The following SSBP2 variants were observed in gnomAD, a reference collection of about 807,000 sequenced individuals.
SSBP2 encodes single stranded DNA binding protein 2.
A neutral mutation model predicts 61.8 loss-of-function variants in SSBP2; 17 were observed. The observed-to-expected ratio is 0.28, with a 90% CI of 0.19 to 0.41. SSBP2 has a LOEUF of 0.41. Ranked by LOEUF, SSBP2 falls within the 10% of genes least tolerant of loss-of-function variation. The pLI, the probability that SSBP2 is intolerant of heterozygous loss-of-function variation, is 1.00. For missense variants in SSBP2, 310 were observed against 458.7 expected, an observed-to-expected ratio of 0.68 and a Z score of 2.96; for synonymous variants, 139 against 141.3, an observed-to-expected ratio of 0.98 and a Z score of 0.12.
At chr5:81,557,376 T>C (rs1029478779) in intron 4 of SSBP2, among the ~76,000 whole-genome samples, 2 of 148,570 alleles carry the variant, frequency 1.3e-5, no homozygotes, top group Non-Finnish European at 3.1e-5. Context: ...TCTAAGTTTA[T>C]AGTTTGCCTT....
intron 1 of SSBP2, among the ~76,000 whole-genome samples, chr5:81,711,763 T>C (rs1189006913): frequency 1.3e-5 from 2 of 151,972 alleles, no homozygotes; most frequent in Non-Finnish European, 2.9e-5. Context: ...ATTAGCATAA[T>C]GGTTAACAGT....
chr5:81,515,714 T>G (rs947300427), intron 4 of SSBP2, among the ~76,000 whole-genome samples: 1 of 151,816 alleles, frequency 6.6e-6, no homozygotes, highest in African/African-American at 2.4e-5. Context: ...GGCTACATTG[T>G]TTAAAGGTAT....
At chr5:81,747,073 C>A (rs1425954530) in intron 1 of SSBP2, among the ~76,000 whole-genome samples, 1 of 148,930 alleles carries the variant, frequency 6.7e-6, no homozygotes, top group Non-Finnish European at 1.5e-5. Context: ...TGTTAGGCTT[C>A]CAACTTTCCT....
At chr5:81,718,075 A>G (rs1039828566) in intron 1 of SSBP2, among the ~76,000 whole-genome samples, 5 of 152,078 alleles carry the variant, frequency 3.3e-5, no homozygotes, top group Admixed American at 2.0e-4. Flanking sequence ...TATTTATAAG[A>G]TTTTTTCTTC....
chr5:81,679,979 TTC>T (rs1752267296), intron 1 of SSBP2, among the ~76,000 whole-genome samples: 1 of 151,752 alleles, frequency 6.6e-6, no homozygotes, highest in African/African-American at 2.4e-5. Flanking sequence ...AAAGCAAATT[TTC>T]TCTCTCTGCT....
intron 4 of SSBP2, among the ~76,000 whole-genome samples, chr5:81,570,111 T>A (rs1773727136): frequency 6.6e-6 from 1 of 152,186 alleles, no homozygotes; most frequent in Admixed American, 6.5e-5. Context: ...TAAGACAAGA[T>A]AAATTTCTTT....
intron 1 of SSBP2, among the ~76,000 whole-genome samples, chr5:81,737,799 A>AC (rs1756725576): frequency 6.6e-6 from 1 of 151,300 alleles, no homozygotes; most frequent in Admixed American, 6.6e-5. Context: ...AAAAAAAAAA[A>AC]AAAACAAAAA....
chr5:81,577,618 C>T (rs910271834), intron 4 of SSBP2, among the ~76,000 whole-genome samples: 9 of 151,838 alleles, frequency 5.9e-5, no homozygotes, highest in Admixed American at 3.9e-4. Flanking sequence ...ATAAGGAAAG[C>T]AGAAGCACAA....
At chr5:81,659,086 T>A (rs1181445056) in intron 1 of SSBP2, among the ~76,000 whole-genome samples, 1 of 152,208 alleles carries the variant, frequency 6.6e-6, no homozygotes. Flanking sequence ...GCTGGAAGCA[T>A]ACCCTTTGAA....
chr5:81,674,288 T>C (rs538857585), intron 1 of SSBP2, among the ~76,000 whole-genome samples: 3 of 152,290 alleles, frequency 2.0e-5, no homozygotes, highest in African/African-American at 7.2e-5. Flanking sequence ...CTAAGGCAAC[T>C]GCTAGCACAA....
At chr5:81,696,817 A>G (rs991846144) in intron 1 of SSBP2, among the ~76,000 whole-genome samples, 3 of 152,206 alleles carry the variant, frequency 2.0e-5, no homozygotes, top group African/African-American at 7.2e-5. Context: ...GTATGAGGAG[A>G]TGAAACTATA....
In SSBP2 at chr5:81,609,475, C is replaced by G. The variant is rs116349422; in HGVS notation, c.282+5998G>C. 6.6e-3 allele frequency among the ~76,000 whole-genome samples: 1,012 copies of G among 152,268 alleles called. 13 individuals carry two copies. The highest frequency in any genetic ancestry group is 0.023 in the African/African-American group (948 of 41,532). ...CTCTTGATGTACACAGCTCGTATAC[C>G]TTTCCAAACAGATTATGAACCCCTA... is the stretch of plus-strand genomic sequence containing the variant. On this transcript the variant is annotated intron_variant, in intron 4 of 16. Transcript: ENST00000320672.
At chr5:81,592,260 A>C (rs1222400370) in intron 4 of SSBP2, among the ~76,000 whole-genome samples, 1 of 152,206 alleles carries the variant, frequency 6.6e-6, no homozygotes, top group Non-Finnish European at 1.5e-5. Flanking sequence ...CCAAGATCAA[A>C]CTGCAAGGCA....
rs1185876623 is a variant in SSBP2 at position 81,419,622 on chromosome 5, T to C, written c.*882A>G. ...GTTAAAGAGAAAAGATGTTGCTAAA[T>C]ATATGACAACCCCGGTCACTTTATT... On this transcript the variant is annotated 3_prime_UTR_variant, in exon 17 of 17. Transcript: ENST00000320672. The C allele has an allele frequency of 1.3e-5, 2 of 152,214 alleles. No individual in the cohort carries two copies. The highest frequency in any genetic ancestry group is 2.9e-5 in the Non-Finnish European group (2 of 68,042). 9.4% of individuals were successfully genotyped at this position (152,214 alleles called of 1,614,324 possible). A position where few individuals can be genotyped will look rare whatever the true frequency, so the allele number is the denominator to read the frequency against.
chr5:81,654,786 G>T (rs991553995), intron 1 of SSBP2, among the ~76,000 whole-genome samples: 2 of 152,092 alleles, frequency 1.3e-5, no homozygotes, highest in Non-Finnish European at 2.9e-5. Flanking sequence ...ATCCATGCAG[G>T]TAAATCACAG....
chr5:81,584,967 TAAGATA>T (rs1314011294), intron 4 of SSBP2, among the ~76,000 whole-genome samples: 1 of 152,096 alleles, frequency 6.6e-6, no homozygotes, highest in Non-Finnish European at 1.5e-5. Context: ...TTAAGTAGTT[TAAGATA>T]AAGAAATAAT....
chr5:81,469,938 C>A (rs113910897), intron 8 of SSBP2, among the ~76,000 whole-genome samples: 2,520 of 152,000 alleles, frequency 0.017, 45 homozygotes, highest in South Asian at 0.098. Context: ...GCTGTTCAGA[C>A]TCTGCTTGGA....
At chr5:81,619,599 T>C (rs1746358041) in intron 3 of SSBP2, among the ~76,000 whole-genome samples, 1 of 148,272 alleles carries the variant, frequency 6.7e-6, no homozygotes, top group African/African-American at 2.5e-5. Flanking sequence ...CCCTAACTCA[T>C]TTTATGGGCC....
chr5:81,597,918 T>G (rs1016328085), intron 4 of SSBP2, among the ~76,000 whole-genome samples: 15 of 150,674 alleles, frequency 1.0e-4, no homozygotes, highest in African/African-American at 3.7e-4. Flanking sequence ...AATGACGAGT[T>G]AATGGGTGCA....
Sources: allele counts gnomAD v4.1 joint callset (sites outside exome capture counted in the v4.1 genomes callset), GRCh38; gene constraint gnomAD v4.1.1; transcripts MANE v1.5; gene names NCBI Gene and HGNC (gene_info 2026-07-23, HGNC 2026-07-21).